The following CORO2A variants were observed in gnomAD, a reference collection of about 807,000 sequenced individuals.
CORO2A encodes the protein coronin 2A.
Under a neutral mutation model 62.4 loss-of-function variants are expected in CORO2A, and 47 were observed. That is an observed-to-expected ratio of 0.75 (90% CI 0.60 to 0.96). The LOEUF (loss-of-function observed/expected upper bound fraction) is 0.96, where lower values mean the gene tolerates loss of function less well. Among genes scored for constraint, CORO2A ranks in the 40% least tolerant of loss-of-function variants. The probability of loss-of-function intolerance (pLI) is 0.00; values close to 1 mark genes in which losing one functional copy is unlikely to be tolerated. For missense variants in CORO2A, 610 were observed against 684.1 expected (o/e 0.89, Z 1.21); for synonymous variants, 273 against 268.9 (o/e 1.02, Z -0.15).
chr9:98,160,874 T>C (rs73657107), intron 1 of CORO2A, among the ~76,000 whole-genome samples: 3,094 of 151,974 alleles, frequency 0.02, 75 homozygotes, highest in African/African-American at 0.056. Flanking sequence ...GGCAGTGATG[T>C]GTGTCACTTC....
Position 98,157,448 on chromosome 9 carries a change from G to A in CORO2A, c.201+12C>T. On this transcript the variant is annotated intron_variant, in intron 2 of 11. Coordinates refer to ENST00000375077, the MANE Select transcript of CORO2A (RefSeq NM_052820.4). Reference sequence around the variant, plus strand: ...CCTCCAGAGAGCTGTTTGGGCCTGGGGGTGTCCTTACCTGGTGCAGGGGGA... The same window carrying A: ...CCTCCAGAGAGCTGTTTGGGCCTGGAGGTGTCCTTACCTGGTGCAGGGGGA... 2 of 1,613,842 alleles carry A rather than the reference G, an allele frequency of 1.2e-6. No homozygotes were observed. The highest frequency in any genetic ancestry group is 1.1e-5 in the South Asian group (1 of 91,062).
chr9:98,184,443 G>A (rs1363420789), intron 1 of CORO2A, among the ~76,000 whole-genome samples: 2 of 152,070 alleles, frequency 1.3e-5, no homozygotes, highest in Non-Finnish European at 2.9e-5. Context: ...TGCATGCTAG[G>A]GAAAGATTCT....
chr9:98,148,084 TA>T (rs59012123), intron 2 of CORO2A, among the ~76,000 whole-genome samples: 91,989 of 136,468 alleles, frequency 0.67, 30,574 homozygotes, highest in African/African-American at 0.75. Flanking sequence ...TCGCCTCTAT[TA>T]AAAAAAAAAA....
At position 98,131,051 on chromosome 9, in the gene CORO2A, G is replaced by A. The variant is rs1392511406; in HGVS notation, c.774C>T (p.Leu258=). 1 of 1,612,104 alleles carries A rather than the reference G, an allele frequency of 6.2e-7. No individual in the cohort carries two copies. Among genetic ancestry groups the A allele is most frequent in the South Asian group, 1.1e-5 (1 of 90,650 alleles). ...RQVALWDQDN[L]SVPLMEEDLD... The stretch of plus-strand genomic sequence containing the variant: ...GGTCCTCCTCCATCAGAGGCACAGA[G>A]AGGTTATCCTGCAGGGGAAGGGGAG... The change falls in exon 7 of 12, where the codon CTC becomes CTT. Residue 258 remains leucine, a synonymous_variant. Transcript: ENST00000375077.
chr9:98,190,757 G>A (rs983137815), intron 1 of CORO2A, among the ~76,000 whole-genome samples: 1 of 152,168 alleles, frequency 6.6e-6, no homozygotes, highest in Admixed American at 6.5e-5. Flanking sequence ...GGAAAACAGG[G>A]CCCAGATTAT....
chr9:98,152,924 A>C (rs1214397445), intron 2 of CORO2A, among the ~76,000 whole-genome samples: 2 of 152,220 alleles, frequency 1.3e-5, no homozygotes, highest in Non-Finnish European at 2.9e-5. Flanking sequence ...AAAAGCTATT[A>C]TAAAGGTCAT....
chr9:98,163,096 C>A (rs750225488), intron 1 of CORO2A, among the ~76,000 whole-genome samples: 1 of 152,252 alleles, frequency 6.6e-6, no homozygotes, highest in Non-Finnish European at 1.5e-5. Context: ...GCTTGGTGGG[C>A]CTGATGCCAT....
chr9:98,153,964 GT>G (rs1215446345), intron 2 of CORO2A, among the ~76,000 whole-genome samples: 1 of 151,962 alleles, frequency 6.6e-6, no homozygotes, highest in Non-Finnish European at 1.5e-5. Flanking sequence ...TGATCATATG[GT>G]TTTTCCTCTT....
intron 9 of CORO2A, 150 bp downstream of exon 9, chr9:98,128,457 G>T (rs969940368): frequency 1.3e-6 from 1 of 763,590 alleles, no homozygotes; most frequent in South Asian, 1.6e-5. Context: ...GACTCCTGAC[G>T]CCCACTGATG....
At chr9:98,138,276 G>A (rs572122228) in intron 2 of CORO2A, among the ~76,000 whole-genome samples, 10 of 152,124 alleles carry the variant, frequency 6.6e-5, no homozygotes, top group East Asian at 1.9e-4. Flanking sequence ...TTAGCCGGGC[G>A]TGGTAGCATG....
chr9:98,167,757 CTT>C (rs1827981262), intron 1 of CORO2A, among the ~76,000 whole-genome samples: 2 of 152,196 alleles, frequency 1.3e-5, no homozygotes, highest in South Asian at 4.1e-4. Context: ...AGACAAGAGT[CTT>C]TATCTTTTAG....
intron 1 of CORO2A, among the ~76,000 whole-genome samples, chr9:98,187,557 G>C (rs543802094): frequency 6.6e-6 from 1 of 152,252 alleles, no homozygotes; most frequent in East Asian, 1.9e-4. Flanking sequence ...AGCAGATTTG[G>C]AGTCTGGTGA....
At chr9:98,181,901 T>G (rs753772913) in intron 1 of CORO2A, among the ~76,000 whole-genome samples, 2 of 152,202 alleles carry the variant, frequency 1.3e-5, no homozygotes, top group African/African-American at 4.8e-5. Context: ...TTCCAAGCTG[T>G]GTGACCTCAG....
chr9:98,150,939 G>T (rs1827715741), intron 2 of CORO2A, among the ~76,000 whole-genome samples: 1 of 152,130 alleles, frequency 6.6e-6, no homozygotes, highest in Admixed American at 6.5e-5. Flanking sequence ...GCTCTGCTCA[G>T]CTAGCCCCAG....
chr9:98,137,761 G>A (rs1827508320), intron 2 of CORO2A, 73 bp from the exon 3 acceptor site: 1 of 1,088,720 alleles, frequency 9.2e-7, no homozygotes, highest in Admixed American at 1.7e-5. Flanking sequence ...CACATAGTCA[G>A]TTAGCAACCA....
At chr9:98,183,726 G>C (rs777926680) in intron 1 of CORO2A, among the ~76,000 whole-genome samples, 7 of 152,218 alleles carry the variant, frequency 4.6e-5, no homozygotes, top group Non-Finnish European at 7.3e-5. Context: ...TTGGGAGGCT[G>C]AGGCGGGCAG....
intron 1 of CORO2A, among the ~76,000 whole-genome samples, chr9:98,165,798 C>T (rs1827950878): frequency 6.6e-6 from 1 of 152,192 alleles, no homozygotes; most frequent in Non-Finnish European, 1.5e-5. Flanking sequence ...AGTGCAGTCC[C>T]CCATTAACCA....
intron 1 of CORO2A, among the ~76,000 whole-genome samples, chr9:98,183,765 G>A (rs1231312698): frequency 6.6e-6 from 1 of 152,172 alleles, no homozygotes; most frequent in African/African-American, 2.4e-5. Flanking sequence ...TTCGAGACCA[G>A]CCTGGCCAAC....
chr9:98,139,723 G>A (rs185280880), intron 2 of CORO2A, among the ~76,000 whole-genome samples: 84 of 152,330 alleles, frequency 5.5e-4, no homozygotes, highest in African/African-American at 2.0e-3. Flanking sequence ...TTGAGCCTGG[G>A]AGGTCGAGGC....
Sources: gnomAD v4.1 joint callset for allele counts (sites outside exome capture counted in the v4.1 genomes callset) on GRCh38, gnomAD v4.1.1 for gene constraint, MANE v1.5 for transcripts, NCBI Gene and HGNC (gene_info 2026-07-23, HGNC 2026-07-21) for gene names.